HHIPL2: variants seen among roughly 807,000 people sequenced by gnomAD.
HHIPL2 encodes HHIP like 2.
A neutral mutation model predicts 61.0 loss-of-function variants in HHIPL2; 61 were observed. The ratio of observed to expected loss-of-function variants is 1.00; its 90% CI spans 0.81 to 1.24. The LOEUF (loss-of-function observed/expected upper bound fraction) is 1.24. Ranked by LOEUF, HHIPL2 falls within the 50% of genes most tolerant of loss-of-function variation. The pLI is 0.00. For synonymous variants in HHIPL2, 343 were observed against 357.4 expected (o/e 0.96, Z 0.45); for missense variants, 885 against 910.2 (o/e 0.97, Z 0.36).
intron 3 of HHIPL2, 28 bp from the exon 4 acceptor site, chr1:222,540,369 A>G: frequency 6.4e-7 from 1 of 1,570,854 alleles, no homozygotes; most frequent in Non-Finnish European, 8.7e-7. Flanking sequence ...AAGAAGCAGA[A>G]TGAGGTAAGC....
intron 1 of HHIPL2, among the ~76,000 whole-genome samples, chr1:222,546,659 A>G (rs896796110): frequency 6.6e-6 from 1 of 152,200 alleles, no homozygotes; most frequent in African/African-American, 2.4e-5. Context: ...CCTAGAGTTA[A>G]TTCTCCAGGA....
rs970115138 is a variant in HHIPL2 at position 222,544,288 on chromosome 1, G to GA, written c.322-100dup. ...CAGAAAGAAAAAATGGTGCTAGGCGGAAAAAATCAGGATTTTGGAGTTTTT... is the reference window on the plus strand; with the variant it reads ...CAGAAAGAAAAAATGGTGCTAGGCGGAAAAAAATCAGGATTTTGGAGTTTTT... On this transcript the variant is annotated intron_variant, in intron 1 of 8. Transcript: ENST00000343410. 9.1e-6 allele frequency: 12 copies of GA among 1,325,266 alleles called. No individual in the cohort carries two copies. The East Asian group carries it at 1.9e-4, about 21-fold the overall frequency. The allele number at this position is 1,325,266 out of a possible 1,614,324, so 82.1% of individuals were successfully genotyped here.
At chr1:222,539,860 A>G (rs1458177684) in intron 4 of HHIPL2, 150 bp downstream of exon 4, 10 of 647,578 alleles carry the variant, frequency 1.5e-5, no homozygotes, top group Non-Finnish European at 2.6e-6. Flanking sequence ...GAGTGGCTGG[A>G]GGACCGGTTG....
At chr1:222,524,947 T>G (rs757637869) in intron 7 of HHIPL2, 2 of 152,184 alleles carry the variant, frequency 1.3e-5, no homozygotes, top group Non-Finnish European at 2.9e-5. Context: ...GTAATTTAAC[T>G]TACCTAGCCT....
intron 2 of HHIPL2, among the ~76,000 whole-genome samples, chr1:222,542,724 T>C (rs1265384430): frequency 6.6e-6 from 1 of 151,650 alleles, no homozygotes; most frequent in South Asian, 2.1e-4. Flanking sequence ...GGTTTTTCCA[T>C]ATTGGCCAGG....
intron 6 of HHIPL2, among the ~76,000 whole-genome samples, chr1:222,530,718 G>T (rs1471722252): frequency 7.8e-6 from 1 of 127,650 alleles, no homozygotes; most frequent in Admixed American, 8.5e-5. Context: ...TATACCTATA[G>T]AGAATCTTTT....
chr1:222,534,495 T>C (rs1033556684), intron 5 of HHIPL2, among the ~76,000 whole-genome samples: 8 of 149,330 alleles, frequency 5.4e-5, no homozygotes, highest in African/African-American at 1.7e-4. Flanking sequence ...GAGAAGGGCG[T>C]GAACCCGGGA....
intron 1 of HHIPL2, among the ~76,000 whole-genome samples, chr1:222,545,469 A>G (rs1393424002): frequency 6.6e-6 from 1 of 152,066 alleles, no homozygotes; most frequent in East Asian, 1.9e-4. Flanking sequence ...CATTTAAGAC[A>G]CTTATCACAG....
At chr1:222,523,951 C>T (rs1438811157) in intron 7 of HHIPL2, 9 of 480,240 alleles carry the variant, frequency 1.9e-5, no homozygotes, top group African/African-American at 5.9e-5. Context: ...GCAGTCAAAA[C>T]GGGTTCACAT....
At position 222,533,509 on chromosome 1, in the gene HHIPL2, T is replaced by G. The variant is rs1659236094; in HGVS notation, c.1578-1398A>C. On this transcript the variant is annotated intron_variant, in intron 5 of 8. Coordinates refer to ENST00000343410, the MANE Select transcript of HHIPL2 (RefSeq NM_024746.4). Reference sequence around the variant, plus strand: ...AATGAAATCCCAAAGCTCTAGTAAGTGATGATAAAGGACCTGACCAATTAG... The same window carrying G: ...AATGAAATCCCAAAGCTCTAGTAAGGGATGATAAAGGACCTGACCAATTAG... Among the ~76,000 whole-genome samples the G allele has an allele frequency of 2.6e-5, 4 of 152,230 alleles. No individual in the cohort carries two copies. The South Asian group carries it at 8.3e-4, about 32-fold the overall frequency.
intron 1 of HHIPL2, among the ~76,000 whole-genome samples, chr1:222,545,371 T>G (rs1659532386): frequency 6.6e-6 from 1 of 152,320 alleles, no homozygotes; most frequent in East Asian, 1.9e-4. Context: ...TTCCTCTGAT[T>G]GTACGCTGCA....
chr1:222,524,360 C>T (rs902216265), intron 7 of HHIPL2: 1 of 152,238 alleles, frequency 6.6e-6, no homozygotes, highest in Non-Finnish European at 1.5e-5. Context: ...TGCCTTGCTC[C>T]AACTCTATCT....
chr1:222,543,430 C>T, intron 2 of HHIPL2, 107 bp downstream of exon 2: 1 of 1,119,784 alleles, frequency 8.9e-7, no homozygotes. Flanking sequence ...CTCAACAGTT[C>T]GAGTAGTGCT....
chr1:222,523,177 G>T (rs1487951637), intron 8 of HHIPL2, among the ~76,000 whole-genome samples: 1 of 152,014 alleles, frequency 6.6e-6, no homozygotes, highest in African/African-American at 2.4e-5. Flanking sequence ...AGTGCCCTGA[G>T]CATCCTTCTA....
intron 5 of HHIPL2, among the ~76,000 whole-genome samples, chr1:222,537,604 C>A (rs1475956953): frequency 6.6e-6 from 1 of 150,560 alleles, no homozygotes; most frequent in Non-Finnish European, 1.5e-5. Flanking sequence ...TGCACTCCAG[C>A]CTGGCCGACA....
chr1:222,539,108 T>A, intron 4 of HHIPL2: 1 of 274,940 alleles, frequency 3.6e-6, no homozygotes, highest in African/African-American at 2.2e-5. Context: ...ATGGAAAATA[T>A]TGTCACAGTC....
chr1:222,528,165 G>A (rs1160890877), intron 6 of HHIPL2, among the ~76,000 whole-genome samples: 1 of 152,222 alleles, frequency 6.6e-6, no homozygotes, highest in Non-Finnish European at 1.5e-5. Flanking sequence ...GAGAGTCCCA[G>A]AAGTCTGATT....
At chr1:222,529,014 G>T (rs914160536) in intron 6 of HHIPL2, among the ~76,000 whole-genome samples, 8 of 151,734 alleles carry the variant, frequency 5.3e-5, no homozygotes, top group Non-Finnish European at 8.8e-5. Context: ...TAGAGACGGG[G>T]TTTCCCTATG....
At chr1:222,525,318 C>T (rs1186330948) in intron 7 of HHIPL2, 1 of 152,178 alleles carries the variant, frequency 6.6e-6, no homozygotes, top group Non-Finnish European at 1.5e-5. Flanking sequence ...ACTTTAAAGA[C>T]CCTGAGTCTG....
Sources: allele counts gnomAD v4.1 joint callset (sites outside exome capture counted in the v4.1 genomes callset), GRCh38; gene constraint gnomAD v4.1.1; transcripts MANE v1.5; gene names NCBI Gene and HGNC (gene_info 2026-07-23, HGNC 2026-07-21).